The following SRCAP variants were observed in gnomAD, a reference collection of about 807,000 sequenced individuals.
SRCAP encodes Snf2 related CREBBP activator protein.
Under a neutral mutation model 263.1 loss-of-function variants are expected in SRCAP, and 46 were observed. The observed-to-expected ratio is 0.17, with a 90% CI of 0.14 to 0.22. The LOEUF (loss-of-function observed/expected upper bound fraction) is 0.22, where lower values mean the gene tolerates loss of function less well. Ranked by LOEUF, SRCAP falls within the 10% of genes least tolerant of loss-of-function variation. The pLI is 1.00. For missense variants in SRCAP, 3,695 were observed against 4,181.9 expected (o/e 0.88, Z 3.21); for synonymous variants, 1,813 against 1,662.1 (o/e 1.09, Z -2.21).
rs753511886 is a variant in SRCAP at position 30,723,974 on chromosome 16, C to T, written c.4550C>T (p.Ser1517Leu). The change falls in exon 25 of 34, where the codon TCA becomes TTA. Residue 1517 changes from serine to leucine, a missense_variant. Coordinates refer to ENST00000262518, the MANE Select transcript of SRCAP (RefSeq NM_006662.3). ...TTGGCCACAGCTCCATCCCTGTCTT[C>T]ATCTCAGACACCTGGTCACCCTCTG... The part of the protein sequence containing the change: ...LGLATAPSLS[S>L]SQTPGHPLLL... The T allele has an allele frequency of 5.0e-6, 8 of 1,614,224 alleles. No homozygotes were observed. Among genetic ancestry groups the T allele is most frequent in the Middle Eastern group, 1.6e-4 (1 of 6,062 alleles).
chr16:30,722,463 T>A, intron 22 of SRCAP, 100 bp from the exon 23 acceptor site: 1 of 1,498,754 alleles, frequency 6.7e-7, no homozygotes, highest in Non-Finnish European at 9.1e-7. Context: ...TTCTAGAGAA[T>A]GTATTCCCTC....
In SRCAP at chr16:30,723,978, T is replaced by C; in HGVS notation, c.4554T>C (p.Ser1518=). 1 of 1,614,136 alleles carries C rather than the reference T, an allele frequency of 6.2e-7. No homozygotes were observed. The highest frequency in any genetic ancestry group is 8.5e-7 in the Non-Finnish European group (1 of 1,180,020). ...CCACAGCTCCATCCCTGTCTTCATC[T>C]CAGACACCTGGTCACCCTCTGTTGT... ...GLATAPSLSS[S]QTPGHPLLLA... The change falls in exon 25 of 34, where the codon TCT becomes TCC. Residue 1518 remains serine, a synonymous_variant. Transcript: ENST00000262518.
In SRCAP at chr16:30,723,743, C is replaced by T. The variant is rs764337525; in HGVS notation, c.4319C>T (p.Pro1440Leu). 4 of 1,614,092 alleles carry T rather than the reference C, an allele frequency of 2.5e-6. No homozygotes were observed. The highest frequency in any genetic ancestry group is 1.6e-4 in the Middle Eastern group (1 of 6,062). Residue 1440 changes from proline to leucine, a missense_variant, in exon 25 of 34, where the codon CCC becomes CTC. Transcript: ENST00000262518. The part of the protein sequence containing the change: ...TVSVPLSSSL[P>L]ISVPTTLPAP... ...TCAGTTCCATTGTCATCTTCACTCC[C>T]CATCTCTGTCCCCACCACACTTCCT...
chr16:30,729,614 T>C lies in SRCAP; in HGVS notation c.6127+42T>C, dbSNP rs771811748. 7 of 1,607,094 alleles carry C rather than the reference T, an allele frequency of 4.4e-6. No homozygotes were observed. In the African/African-American group the frequency reaches 6.7e-5, roughly 15 times the overall value. On this transcript the variant is annotated intron_variant, in intron 27 of 33. Transcript: ENST00000262518. ...GTGTAGGACCCTTGACTTCTCTTCT[T>C]TTCTTAGTATTAAGACTGTTGTATC...
intron 16 of SRCAP, 82 bp downstream of exon 16, chr16:30,713,793 T>C (rs1394405389): frequency 5.1e-6 from 7 of 1,365,712 alleles, no homozygotes; most frequent in East Asian, 2.3e-5. Flanking sequence ...CAGGAAACCC[T>C]TGGGGAGAGG....
At position 30,710,053 on chromosome 16, in the gene SRCAP, C is replaced by T. The variant is rs1213377771; in HGVS notation, c.1059C>T (p.Thr353=). The T allele has an allele frequency of 2.5e-6, 4 of 1,613,950 alleles. No individual in the cohort carries two copies. Among genetic ancestry groups the T allele is most frequent in the African/African-American group, 1.3e-5 (1 of 74,868 alleles). The change falls in exon 8 of 34, where the codon ACC becomes ACT. Residue 353 remains threonine (T), a synonymous_variant. Transcript: ENST00000262518. ...AAGGGCCTTCCAGCCCCTCTCAAAC[C>T]CCCTCATCTCATGATAGTGACACCC... ...LLEGPSSPSQ[T]PSSHDSDTRD... is the part of the protein sequence containing the mutation.
At chr16:30,701,781 C>T (rs1179719925) in intron 3 of SRCAP, among the ~76,000 whole-genome samples, 3 of 151,636 alleles carry the variant, frequency 2.0e-5, no homozygotes, top group Non-Finnish European at 2.9e-5. Context: ...AGGCACCCAC[C>T]ATCATGCCTG....
chr16:30,704,386 T>C, intron 4 of SRCAP, 71 bp downstream of exon 4: 5 of 1,503,378 alleles, frequency 3.3e-6, no homozygotes, highest in Non-Finnish European at 4.5e-6. Flanking sequence ...CTCTTGAGTA[T>C]TTTATGTTTC....
chr16:30,712,351 G>T lies in SRCAP; in HGVS notation c.1905G>T (p.Lys635Asn), dbSNP rs886051900. Residue 635 changes from lysine (K) to asparagine (N), a missense_variant, in exon 13 of 34, where the codon AAG becomes AAT. Transcript: ENST00000262518. ...ACTGGCTGGTTACCATGTATGAGAA[G>T]AAGCTTAATGGCATTCTTGCTGATG... ...GLDWLVTMYE[K>N]KLNGILADEM... The T allele has an allele frequency of 6.2e-7, 1 of 1,613,502 alleles. No homozygotes were observed. Among genetic ancestry groups the T allele is most frequent in the Non-Finnish European group, 8.5e-7 (1 of 1,179,748 alleles).
chr16:30,716,647 T>C (rs1349972267), intron 18 of SRCAP, among the ~76,000 whole-genome samples, 168 bp downstream of exon 18: 1 of 152,232 alleles, frequency 6.6e-6, no homozygotes, highest in East Asian at 1.9e-4. Flanking sequence ...TTCAACTTAA[T>C]ATTTTTTTGA....
chr16:30,738,431 A>G lies in SRCAP; in HGVS notation c.8391A>G (p.Ser2797=), dbSNP rs2053183199. ...SPGSPSVRSM[S]GPESSPPIGG... ...GAAGCCCGTCTGTCCGCAGCATGTC[A>G]GGGCCAGAATCCTCCCCTCCCATTG... The change falls in exon 34 of 34, where the codon TCA becomes TCG. Residue 2797 remains serine (S), a synonymous_variant. Transcript: ENST00000262518. 6 of 1,553,450 alleles carry G rather than the reference A, an allele frequency of 3.9e-6. No individual in the cohort carries two copies. The highest frequency in any genetic ancestry group is 3.7e-5 in the South Asian group (3 of 81,368).
chr16:30,739,553 G>A lies in SRCAP; in HGVS notation c.9513G>A (p.Glu3171=). The change falls in exon 34 of 34, where the codon GAG becomes GAA. Residue 3171 remains glutamate (E), a synonymous_variant. Coordinates refer to ENST00000262518, the MANE Select transcript of SRCAP (RefSeq NM_006662.3). ...SPLGPEGSVE[E]SEAEASGEEE... is the part of the protein sequence containing the mutation. Reference sequence around the variant, plus strand: ...TGGGGCCTGAGGGTTCAGTAGAGGAGTCTGAGGCTGAAGCCTCAGGTGAGG... The same window carrying A: ...TGGGGCCTGAGGGTTCAGTAGAGGAATCTGAGGCTGAAGCCTCAGGTGAGG... 1.2e-6 allele frequency: 2 copies of A among 1,609,800 alleles called. No individual in the cohort carries two copies. The highest frequency in any genetic ancestry group is 2.2e-5 in the East Asian group (1 of 44,710).
At position 30,713,224 on chromosome 16, in the gene SRCAP, A is replaced by G. The variant is rs1006877860; in HGVS notation, c.2147A>G (p.Asn716Ser). The part of the protein sequence containing the change: ...KLKRQGWTKP[N>S]AFHVCITSYK... ...ATCCCTCAGGGCTGGACCAAGCCCA[A>G]TGCCTTTCATGTGTGTATCACATCT... Residue 716 changes from asparagine to serine, a missense_variant, in exon 15 of 34, where the codon AAT (asparagine) becomes AGT (serine). This residue lies in a region of SRCAP where 121 missense variants were observed against 330.7 expected (regional missense o/e 0.37). Transcript: ENST00000262518. The G allele has an allele frequency of 1.2e-6, 2 of 1,614,004 alleles. No individual in the cohort carries two copies. The highest frequency in any genetic ancestry group is 8.5e-7 in the Non-Finnish European group (1 of 1,180,040).
chr16:30,711,822 TCTTACC>T lies in SRCAP; in HGVS notation c.1493-9_1493-4del. On this transcript the variant is annotated splice_region_variant and splice_polypyrimidine_tract_variant and intron_variant, in intron 11 of 33. Coordinates refer to ENST00000262518, the MANE Select transcript of SRCAP (RefSeq NM_006662.3). ...AGGTATGATGAGCAGTAAGCCTTGGTCTTACCCTTTAGACTCTGTGGAGGACCGGAG... is the reference window on the plus strand; with the variant it reads ...AGGTATGATGAGCAGTAAGCCTTGGTCTTTAGACTCTGTGGAGGACCGGAG... 6.2e-7 allele frequency: 1 copy of T among 1,613,378 alleles called. No individual in the cohort carries two copies. Among genetic ancestry groups the T allele is most frequent in the Non-Finnish European group, 8.5e-7 (1 of 1,179,574 alleles).
In SRCAP at chr16:30,739,314, G is replaced by A; in HGVS notation, c.9274G>A (p.Asp3092Asn). 1 of 1,614,182 alleles carries A rather than the reference G, an allele frequency of 6.2e-7. No homozygotes were observed. The change falls in exon 34 of 34, where the codon GAT becomes AAT. Residue 3092 changes from aspartate to asparagine, a missense_variant. Physicochemically the swap from Asp to Asn is conservative, Grantham distance 23. This residue lies in a region of SRCAP where 1,207 missense variants were observed against 1,142.9 expected (regional missense o/e 1.06). Transcript: ENST00000262518. The stretch of plus-strand genomic sequence containing the variant: ...GTCCATGGTGGTGGCTGTAATTCAG[G>A]ATGACCTGGACTTAGCAGATAGCGG... ...GGSMVVAVIQ[D>N]DLDLADSGPG...
intron 12 of SRCAP, 33 bp downstream of exon 12, chr16:30,712,190 G>C (rs1238254457): frequency 4.4e-6 from 7 of 1,604,916 alleles, no homozygotes; most frequent in Non-Finnish European, 6.0e-6. Context: ...CCTTTCTCAT[G>C]TCTTGACTTT....
chr16:30,707,125 G>A (rs1037563710), intron 4 of SRCAP, 58 bp from the exon 5 acceptor site: 242 of 1,565,968 alleles, frequency 1.5e-4, no homozygotes, highest in Middle Eastern at 1.0e-3. Context: ...ATTCAGCCGT[G>A]GCAGTGAGAT....
At chr16:30,717,775 A>G (rs1596651658) in intron 18 of SRCAP, among the ~76,000 whole-genome samples, 1 of 151,812 alleles carries the variant, frequency 6.6e-6, no homozygotes. Flanking sequence ...CACCCAGCTA[A>G]CTTTTGTGTT....
chr16:30,705,039 G>T lies in SRCAP; in HGVS notation c.306+724G>T, dbSNP rs1034395029. Among the ~76,000 whole-genome samples, 7 of 152,074 alleles carry T rather than the reference G, an allele frequency of 4.6e-5. No individual in the cohort carries two copies. In the East Asian group the frequency reaches 1.2e-3, roughly 25 times the overall value. ...TTCTTTGCCGGGCGTGGTGGCTCATGCCTGTAATCCCAGCACTTTGGGAGG... is the reference window on the plus strand; with the variant it reads ...TTCTTTGCCGGGCGTGGTGGCTCATTCCTGTAATCCCAGCACTTTGGGAGG... On this transcript the variant is annotated intron_variant, in intron 4 of 33. Coordinates refer to ENST00000262518, the MANE Select transcript of SRCAP (RefSeq NM_006662.3).
Sources: allele counts gnomAD v4.1 joint callset (sites outside exome capture counted in the v4.1 genomes callset), GRCh38; gene constraint gnomAD v4.1.1; regional missense constraint gnomAD v4.1.1; transcripts MANE v1.5; gene names NCBI Gene and HGNC (gene_info 2026-07-23, HGNC 2026-07-21).